Variants in GRIN2A observed in about 807,000 individuals in gnomAD.
The protein encoded by GRIN2A is glutamate ionotropic receptor NMDA type subunit 2A.
GRIN2A carries 22 observed loss-of-function variants against 113.4 expected under a neutral mutation model. The ratio of observed to expected loss-of-function variants is 0.19; its 90% CI spans 0.14 to 0.28. The LOEUF (loss-of-function observed/expected upper bound fraction) is 0.28. Ranked by LOEUF, GRIN2A falls within the 10% of genes least tolerant of loss-of-function variation. The pLI is 1.00. For synonymous variants in GRIN2A, 827 were observed against 738.4 expected (o/e 1.12, Z -1.94); for missense variants, 1,502 against 1,887.0 (o/e 0.80, Z 3.78).
At chr16:9,833,990 T>G (rs2042543588) in intron 8 of GRIN2A, 115 bp downstream of exon 8, 11 of 1,036,714 alleles carry the variant, frequency 1.1e-5, no homozygotes, top group Non-Finnish European at 1.7e-5. Context: ...GTGCTGGGAT[T>G]ACAGGCGTGA....
At chr16:9,985,128 A>C (rs190667928) in intron 2 of GRIN2A, among the ~76,000 whole-genome samples, 1 of 152,038 alleles carries the variant, frequency 6.6e-6, no homozygotes, top group Non-Finnish European at 1.5e-5. Flanking sequence ...GATGTGCCCA[A>C]CTCTCTAGGT....
chr16:10,100,295 C>T (rs1426699286), intron 2 of GRIN2A, among the ~76,000 whole-genome samples: 1 of 152,136 alleles, frequency 6.6e-6, no homozygotes, highest in Non-Finnish European at 1.5e-5. Flanking sequence ...TTGAAAGATC[C>T]CACTGGCTTC....
At chr16:10,082,204 C>T (rs538925173) in intron 2 of GRIN2A, among the ~76,000 whole-genome samples, 2 of 152,324 alleles carry the variant, frequency 1.3e-5, no homozygotes, top group Non-Finnish European at 2.9e-5. Flanking sequence ...TATGAGAGAG[C>T]TTTGGAAAAT....
intron 3 of GRIN2A, among the ~76,000 whole-genome samples, chr16:9,913,851 G>A: frequency 6.6e-6 from 1 of 152,070 alleles, no homozygotes; most frequent in Non-Finnish European, 1.5e-5. Flanking sequence ...AATGTAGAAG[G>A]CAGATAACGT....
intron 4 of GRIN2A, among the ~76,000 whole-genome samples, chr16:9,850,792 C>T (rs1001174766): frequency 1.3e-5 from 2 of 152,146 alleles, no homozygotes; most frequent in Non-Finnish European, 2.9e-5. Context: ...TGTATTCCCT[C>T]GGAGCAGCAG....
intron 2 of GRIN2A, among the ~76,000 whole-genome samples, chr16:9,954,202 C>T (rs1459808544): frequency 2.6e-5 from 4 of 152,102 alleles, no homozygotes; most frequent in Non-Finnish European, 4.4e-5. Context: ...ATCATGCTTG[C>T]GATATACCTT....
intron 5 of GRIN2A, 21 bp downstream of exon 5, chr16:9,849,731 AGGTG>A: frequency 6.4e-7 from 1 of 1,567,920 alleles, no homozygotes; most frequent in Non-Finnish European, 8.8e-7. Flanking sequence ...GGGCACGTTC[AGGTG>A]ACAGCATTCC....
intron 2 of GRIN2A, among the ~76,000 whole-genome samples, chr16:10,157,707 C>A (rs554390605): frequency 6.6e-6 from 1 of 152,282 alleles, no homozygotes; most frequent in South Asian, 2.1e-4. Flanking sequence ...AAACAGCCCC[C>A]ACGATCAATC....
chr16:10,092,003 A>G (rs917835329), intron 2 of GRIN2A, among the ~76,000 whole-genome samples: 1 of 152,190 alleles, frequency 6.6e-6, no homozygotes, highest in Non-Finnish European at 1.5e-5. Flanking sequence ...CAATGAGTGC[A>G]TTTTATGATA....
chr16:9,765,563 G>A (rs567917324), intron 12 of GRIN2A, among the ~76,000 whole-genome samples: 1 of 152,284 alleles, frequency 6.6e-6, no homozygotes, highest in Admixed American at 6.5e-5. Flanking sequence ...TTTGAGGGGG[G>A]GATAGATGTG....
chr16:10,033,506 C>T (rs1266610401), intron 2 of GRIN2A, among the ~76,000 whole-genome samples: 5 of 152,194 alleles, frequency 3.3e-5, no homozygotes, highest in Non-Finnish European at 7.4e-5. Flanking sequence ...GGGGTTAGAA[C>T]AGGGCCATGA....
rs745815376 is a variant in GRIN2A at position 9,938,426 on chromosome 16, G to A, written c.540C>T (p.Tyr180=). ...FSLVTTIFPG[Y]REFISFVKTT... The stretch of plus-strand genomic sequence containing the variant: ...TCTTGACGAAGCTGATGAATTCCCT[G>A]TAGCCAGGGAAGATAGTGGTCACCA... Residue 180 remains tyrosine, a synonymous_variant, in exon 3 of 13, where the codon TAC becomes TAT. Transcript: ENST00000330684. 10 of 1,613,858 alleles carry A rather than the reference G, an allele frequency of 6.2e-6. No homozygotes were observed. The East Asian group carries it at 2.0e-4, about 32-fold the overall frequency.
At chr16:10,132,662 A>G (rs781580416) in intron 2 of GRIN2A, among the ~76,000 whole-genome samples, 3 of 152,198 alleles carry the variant, frequency 2.0e-5, no homozygotes, top group Non-Finnish European at 4.4e-5. Context: ...AGCTATCTGA[A>G]CTTTCATTGC....
chr16:10,155,456 C>T (rs553199086), intron 2 of GRIN2A, among the ~76,000 whole-genome samples: 1 of 152,322 alleles, frequency 6.6e-6, no homozygotes, highest in South Asian at 2.1e-4. Context: ...CCTCATATTT[C>T]ACATCTGTAT....
Position 10,018,005 on chromosome 16 carries a change from C to A in GRIN2A, c.415-79454G>T, listed in dbSNP as rs542150103. On this transcript the variant is annotated intron_variant, in intron 2 of 12. Transcript: ENST00000330684. ...ACCTTGATAACTTAATTGTTTGGCA[C>A]CCTTTTAAATTTTGCATCCAAGGAG... Among the ~76,000 whole-genome samples the A allele has an allele frequency of 1.1e-4, 17 of 152,292 alleles. No homozygotes were observed. In the South Asian group the frequency reaches 3.5e-3, roughly 32 times the overall value.
chr16:10,017,623 T>G (rs1335908815), intron 2 of GRIN2A, among the ~76,000 whole-genome samples: 1 of 152,002 alleles, frequency 6.6e-6, no homozygotes, highest in African/African-American at 2.4e-5. Flanking sequence ...AAGCATAACA[T>G]AAGAAAAGCA....
At chr16:9,914,922 T>G (rs2044214948) in intron 3 of GRIN2A, among the ~76,000 whole-genome samples, 1 of 75,418 alleles carries the variant, frequency 1.3e-5, no homozygotes, top group African/African-American at 6.0e-5. Flanking sequence ...TTTTTTTTTT[T>G]TTTTTTTTTT....
chr16:9,801,804 A>G (rs1231264254), intron 10 of GRIN2A, among the ~76,000 whole-genome samples: 1 of 152,148 alleles, frequency 6.6e-6, no homozygotes, highest in Non-Finnish European at 1.5e-5. Context: ...GAGGCACACA[A>G]TTGGGCCAGC....
Position 10,107,556 on chromosome 16 carries a change from T to C in GRIN2A, c.414+72442A>G, listed in dbSNP as rs933178545. Among the ~76,000 whole-genome samples, 5 of 152,218 alleles carry C rather than the reference T, an allele frequency of 3.3e-5. No individual in the cohort carries two copies. The South Asian group carries it at 6.2e-4, about 19-fold the overall frequency. On this transcript the variant is annotated intron_variant, in intron 2 of 12. Coordinates refer to ENST00000330684, the MANE Select transcript of GRIN2A (RefSeq NM_001134407.3). Reference sequence around the variant, plus strand: ...CAAGCTAGCAAATAGCACAGTTTCATGTCTGGAATTTGCAGACCAGGGCTG... The same window carrying C: ...CAAGCTAGCAAATAGCACAGTTTCACGTCTGGAATTTGCAGACCAGGGCTG...
Sources: gnomAD v4.1 joint callset for allele counts (sites outside exome capture counted in the v4.1 genomes callset) on GRCh38, gnomAD v4.1.1 for gene constraint, MANE v1.5 for transcripts, NCBI Gene and HGNC (gene_info 2026-07-23, HGNC 2026-07-21) for gene names.